Variants in CCSER1 observed in about 807,000 individuals in gnomAD.
CCSER1 encodes coiled-coil serine rich protein 1.
CCSER1 carries 41 observed loss-of-function variants against 82.0 expected under a neutral mutation model. The ratio of observed to expected loss-of-function variants is 0.50; its 90% CI spans 0.39 to 0.65. CCSER1 has a LOEUF of 0.65. CCSER1 is among the 30% of genes least tolerant of loss of function. The probability of loss-of-function intolerance (pLI) is 0.00; values close to 1 mark genes in which losing one functional copy is unlikely to be tolerated. For missense variants in CCSER1, 1,119 were observed against 1,064.2 expected (o/e 1.05, Z -0.72); for synonymous variants, 414 against 383.9 (o/e 1.08, Z -0.92).
Position 90,811,995 on chromosome 4 carries a change from C to CACACACACACACATATATATAT in CCSER1, c.2011-3766_2011-3765insCACACACACACATATATATATA, listed in dbSNP as rs367800484. On this transcript the variant is annotated intron_variant, in intron 7 of 10. Coordinates refer to ENST00000509176, the MANE Select transcript of CCSER1 (RefSeq NM_001145065.2). ...ATATATATATATATATATATAAACA[C>CACACACACACACATATATATAT]ATATATATATATGAGTTTATTAAGT... 1.1e-3 allele frequency among the ~76,000 whole-genome samples: 151 copies of CACACACACACACATATATATAT among 142,766 alleles called. 1 individual carries two copies. Among genetic ancestry groups the CACACACACACACATATATATAT allele is most frequent in the Middle Eastern group, 3.6e-3 (1 of 274 alleles). 93.7% of individuals were successfully genotyped at this position (142,766 alleles called of 152,430 possible). A position where few individuals can be genotyped will look rare whatever the true frequency, so the allele number is the denominator to read the frequency against.
rs756024398 is a variant in CCSER1, at chr4:90,312,847, A to G, written c.1325-16A>G. 37 of 1,503,066 alleles carry G rather than the reference A, an allele frequency of 2.5e-5. No homozygotes were observed. The highest frequency in any genetic ancestry group is 3.1e-5 in the Non-Finnish European group (35 of 1,113,372). 93.1% of individuals were successfully genotyped at this position (1,503,066 alleles called of 1,614,324 possible). A position where few individuals can be genotyped will look rare whatever the true frequency, so the allele number is the denominator to read the frequency against. ...TAAATATTTACCTTCATTTTTATTTATTTTCCTTTCCATAGTTCTTGCCAG... is the reference window on the plus strand; with the variant it reads ...TAAATATTTACCTTCATTTTTATTTGTTTTCCTTTCCATAGTTCTTGCCAG... On this transcript the variant is annotated splice_polypyrimidine_tract_variant and intron_variant, in intron 2 of 10. Coordinates refer to ENST00000509176, the MANE Select transcript of CCSER1 (RefSeq NM_001145065.2).
intron 9 of CCSER1, among the ~76,000 whole-genome samples, chr4:90,973,645 A>G (rs1487044547): frequency 6.6e-6 from 1 of 151,814 alleles, no homozygotes; most frequent in South Asian, 2.1e-4. Flanking sequence ...TAAACCAGCA[A>G]TCTTACTTCT....
At chr4:91,354,406 G>C (rs1748683558) in intron 10 of CCSER1, among the ~76,000 whole-genome samples, 1 of 152,170 alleles carries the variant, frequency 6.6e-6, no homozygotes, top group Non-Finnish European at 1.5e-5. Context: ...AGGCAGATTA[G>C]CATAAGCTCT....
At chr4:91,245,369 A>G (rs558802289) in intron 10 of CCSER1, among the ~76,000 whole-genome samples, 34 of 152,300 alleles carry the variant, frequency 2.2e-4, no homozygotes, top group African/African-American at 7.9e-4. Context: ...CCAAAGGTCA[A>G]GGATAAAGAA....
chr4:90,752,053 A>G (rs1306281830), intron 7 of CCSER1, among the ~76,000 whole-genome samples: 1 of 152,124 alleles, frequency 6.6e-6, no homozygotes, highest in Admixed American at 6.6e-5. Context: ...AAAGGTAGCT[A>G]TATTACAAGC....
At chr4:91,234,797 T>C (rs941756440) in intron 10 of CCSER1, among the ~76,000 whole-genome samples, 1 of 152,136 alleles carries the variant, frequency 6.6e-6, no homozygotes, top group African/African-American at 2.4e-5. Flanking sequence ...TAAATCTACA[T>C]GTTCCCATTT....
At chr4:91,305,012 T>G (rs1180596535) in intron 10 of CCSER1, among the ~76,000 whole-genome samples, 1 of 152,054 alleles carries the variant, frequency 6.6e-6, no homozygotes, top group Non-Finnish European at 1.5e-5. Context: ...ATGCTTGATT[T>G]ACCTTTAATG....
chr4:90,529,363 G>A (rs1040926363), intron 5 of CCSER1, among the ~76,000 whole-genome samples: 7 of 152,026 alleles, frequency 4.6e-5, no homozygotes, highest in African/African-American at 1.7e-4. Context: ...TTGAGTAGCT[G>A]CGACTACAGA....
intron 4 of CCSER1, among the ~76,000 whole-genome samples, chr4:90,419,551 C>T (rs1241420300): frequency 6.6e-6 from 1 of 151,816 alleles, no homozygotes; most frequent in Non-Finnish European, 1.5e-5. Context: ...CTTGATGCTT[C>T]TAATTTTATG....
chr4:90,693,662 C>G (rs1378059121), intron 6 of CCSER1, among the ~76,000 whole-genome samples: 1 of 151,850 alleles, frequency 6.6e-6, no homozygotes, highest in Non-Finnish European at 1.5e-5. Flanking sequence ...TGGTTCTTGT[C>G]AATTCTGTAA....
intron 3 of CCSER1, among the ~76,000 whole-genome samples, chr4:90,388,866 C>T (rs1012335691): frequency 1.3e-5 from 2 of 151,994 alleles, no homozygotes; most frequent in Non-Finnish European, 2.9e-5. Context: ...GAACTCCTGA[C>T]CTCAGGAGAT....
chr4:91,169,736 C>G (rs1732555173), intron 10 of CCSER1, among the ~76,000 whole-genome samples: 1 of 151,278 alleles, frequency 6.6e-6, no homozygotes, highest in Non-Finnish European at 1.5e-5. Context: ...AGCTGTATAT[C>G]AACAAGAAAT....
chr4:90,819,665 T>C (rs1484449499), intron 8 of CCSER1, among the ~76,000 whole-genome samples: 1 of 152,192 alleles, frequency 6.6e-6, no homozygotes, highest in Non-Finnish European at 1.5e-5. Context: ...AATGTGAATG[T>C]ATTTTTGTAT....
Position 90,513,089 on chromosome 4 carries a change from G to C in CCSER1, c.1724+44735G>C, listed in dbSNP as rs143549626. Among the ~76,000 whole-genome samples the C allele has an allele frequency of 4.4e-3, 673 of 152,220 alleles. 7 individuals carry two copies. The highest frequency in any genetic ancestry group is 0.016 in the African/African-American group (651 of 41,544). The stretch of plus-strand genomic sequence containing the variant: ...GGACATGAAGTAAACTTGTAAACTT[G>C]CCCAGCAAAACATAAGACTCACTTG... On this transcript the variant is annotated intron_variant, in intron 5 of 10. Coordinates refer to ENST00000509176, the MANE Select transcript of CCSER1 (RefSeq NM_001145065.2).
chr4:91,320,521 GT>G (rs1418180360), intron 10 of CCSER1, among the ~76,000 whole-genome samples: 1 of 152,008 alleles, frequency 6.6e-6, no homozygotes, highest in Non-Finnish European at 1.5e-5. Flanking sequence ...TTACCTTGCT[GT>G]TTTCATTATT....
intron 10 of CCSER1, among the ~76,000 whole-genome samples, chr4:91,437,476 T>A (rs1754735960): frequency 6.6e-6 from 1 of 151,966 alleles, no homozygotes; most frequent in Non-Finnish European, 1.5e-5. Flanking sequence ...GAATGGATGT[T>A]TAAAATAATT....
intron 7 of CCSER1, among the ~76,000 whole-genome samples, chr4:90,793,049 A>G (rs1292327951): frequency 6.6e-6 from 1 of 152,180 alleles, no homozygotes; most frequent in Admixed American, 6.5e-5. Flanking sequence ...AAACAAAACA[A>G]AACAAAAACT....
chr4:91,176,256 G>T (rs141879976), intron 10 of CCSER1, among the ~76,000 whole-genome samples: 1 of 152,160 alleles, frequency 6.6e-6, no homozygotes, highest in African/African-American at 2.4e-5. Flanking sequence ...GTCAGGTAGC[G>T]TGATGCCTCC....
intron 10 of CCSER1, among the ~76,000 whole-genome samples, chr4:91,345,584 G>C (rs573222819): frequency 6.6e-6 from 1 of 152,166 alleles, no homozygotes; most frequent in East Asian, 1.9e-4. Flanking sequence ...CAGGTCCCCT[G>C]TATCTCCTTA....
Sources: gnomAD v4.1 joint callset for allele counts (sites outside exome capture counted in the v4.1 genomes callset) on GRCh38, gnomAD v4.1.1 for gene constraint, MANE v1.5 for transcripts, NCBI Gene and HGNC (gene_info 2026-07-23, HGNC 2026-07-21) for gene names.